Variants in SEL1L2 observed in about 807,000 individuals in gnomAD.
SEL1L2 encodes protein sel-1 homolog 2.
SEL1L2 carries 89 observed loss-of-function variants against 98.8 expected under a neutral mutation model. The observed-to-expected ratio is 0.90, with a 90% CI of 0.76 to 1.07. The LOEUF is 1.07. Ranked by LOEUF, SEL1L2 falls within the 50% of genes least tolerant of loss-of-function variation. The pLI, the probability that SEL1L2 is intolerant of heterozygous loss-of-function variation, is 0.00. For synonymous variants in SEL1L2, 262 were observed against 278.5 expected (o/e 0.94, Z 0.59); for missense variants, 788 against 812.0 (o/e 0.97, Z 0.36).
chr20:13,874,742 T>C (rs6042404), intron 12 of SEL1L2, among the ~76,000 whole-genome samples: 17,285 of 152,202 alleles, frequency 0.11, 1,062 homozygotes, highest in African/African-American at 0.16. Context: ...GCAGCAGCTC[T>C]GAGGTGGTAG....
intron 3 of SEL1L2, among the ~76,000 whole-genome samples, chr20:13,925,101 T>C (rs767349497): frequency 3.3e-5 from 5 of 152,148 alleles, no homozygotes; most frequent in Admixed American, 6.5e-5. Flanking sequence ...ATTGCACCAC[T>C]GCACTCCAGC....
At chr20:13,881,002 A>C (rs1207851246) in intron 10 of SEL1L2, among the ~76,000 whole-genome samples, 3 of 152,166 alleles carry the variant, frequency 2.0e-5, no homozygotes, top group African/African-American at 7.2e-5. Context: ...TGTTCTAAAA[A>C]CATTTATGAA....
intron 18 of SEL1L2, among the ~76,000 whole-genome samples, chr20:13,858,156 G>A (rs1010360590): frequency 2.6e-5 from 4 of 152,126 alleles, no homozygotes; most frequent in East Asian, 1.9e-4. Context: ...GATCCATACC[G>A]CTGAATAAGA....
At chr20:13,896,586 T>C (rs1319894753) in intron 5 of SEL1L2, among the ~76,000 whole-genome samples, 1 of 144,162 alleles carries the variant, frequency 6.9e-6, no homozygotes, top group African/African-American at 2.6e-5. Context: ...CAAAAATCAG[T>C]TGTGTACCTA....
At chr20:13,904,434 A>G (rs1215289467) in intron 5 of SEL1L2, among the ~76,000 whole-genome samples, 4 of 152,120 alleles carry the variant, frequency 2.6e-5, no homozygotes, top group Non-Finnish European at 5.9e-5. Flanking sequence ...AGGCTGAGGC[A>G]GGAGAATCGC....
chr20:13,954,313 G>A (rs1178642453), intron 2 of SEL1L2, among the ~76,000 whole-genome samples: 1 of 152,140 alleles, frequency 6.6e-6, no homozygotes, highest in African/African-American at 2.4e-5. Context: ...CATTGCCAAG[G>A]AGTCATGTAA....
chr20:13,889,016 T>C (rs2047090946), intron 5 of SEL1L2, among the ~76,000 whole-genome samples: 1 of 150,384 alleles, frequency 6.6e-6, no homozygotes, highest in Non-Finnish European at 1.5e-5. Flanking sequence ...TGGAGTGCAA[T>C]GGTGCAGTCT....
intron 5 of SEL1L2, among the ~76,000 whole-genome samples, chr20:13,906,632 A>G (rs2047940876): frequency 6.6e-6 from 1 of 152,186 alleles, no homozygotes; most frequent in African/African-American, 2.4e-5. Context: ...CTGTATTAGC[A>G]CAGTTCTAAT....
intron 1 of SEL1L2, among the ~76,000 whole-genome samples, chr20:13,970,025 C>CTT (rs11380130): frequency 1.2e-3 from 171 of 141,308 alleles, no homozygotes; most frequent in African/African-American, 2.9e-3. Flanking sequence ...GCTCCATCCT[C>CTT]TTTTTTTTTT....
chr20:13,859,718 G>C (rs1227392353), intron 17 of SEL1L2, among the ~76,000 whole-genome samples: 1 of 152,026 alleles, frequency 6.6e-6, no homozygotes. Context: ...TGTTTGTTTT[G>C]AGACAGAGTT....
In SEL1L2 at chr20:13,849,517, G is replaced by A; in HGVS notation, c.2035C>T (p.Leu679=). ...TGGTGATTTCTAAGCAACAAAATCA[G>A]CCCAGGAACAATGAGGCCAATCACA... ...LFVIGLIVPG[L]ILLLRNHHG The change falls in exon 20 of 20, where the codon CTG becomes TTG. Residue 679 remains leucine (L), a synonymous_variant. Coordinates refer to ENST00000284951, the MANE Select transcript of SEL1L2 (RefSeq NM_025229.2). The A allele has an allele frequency of 6.2e-7, 1 of 1,614,060 alleles. No homozygotes were observed. Among genetic ancestry groups the A allele is most frequent in the Non-Finnish European group, 8.5e-7 (1 of 1,179,958 alleles).
chr20:13,913,851 C>T lies in SEL1L2; in HGVS notation c.480G>A (p.Val160=). The change falls in exon 5 of 20, where the codon GTG becomes GTA. Residue 160 remains valine (V), a synonymous_variant. Transcript: ENST00000284951. ...ADALLFGNFG[V]QNITAAIQLY... The stretch of plus-strand genomic sequence containing the variant: ...ATTGGATAGCTGCTGTTATATTTTG[C>T]ACGCCAAAATTTCCAAATAGCAAAG... 6.4e-7 allele frequency: 1 copy of T among 1,559,158 alleles called. No homozygotes were observed. The highest frequency in any genetic ancestry group is 8.6e-7 in the Non-Finnish European group (1 of 1,161,292).
chr20:13,984,644 G>GTCTC (rs1028929040), intron 1 of SEL1L2, among the ~76,000 whole-genome samples: 1 of 151,920 alleles, frequency 6.6e-6, no homozygotes, highest in Admixed American at 6.6e-5. Flanking sequence ...TACTGCCAAA[G>GTCTC]TCTCTCTCTT....
chr20:13,904,266 C>T (rs866379637), intron 5 of SEL1L2, among the ~76,000 whole-genome samples: 3 of 152,146 alleles, frequency 2.0e-5, no homozygotes, highest in East Asian at 1.9e-4. Context: ...CACTGGCTCA[C>T]GCCTGTGATC....
chr20:13,986,535 G>T (rs2052192639), intron 1 of SEL1L2, among the ~76,000 whole-genome samples: 1 of 151,962 alleles, frequency 6.6e-6, no homozygotes, highest in Non-Finnish European at 1.5e-5. Context: ...TAGCACAATT[G>T]TTTTTGAGGT....
chr20:13,869,613 T>C, intron 13 of SEL1L2, 23 bp from the exon 14 acceptor site: 2 of 1,581,822 alleles, frequency 1.3e-6, no homozygotes, highest in Non-Finnish European at 1.7e-6. Flanking sequence ...TACACTCTAT[T>C]ACTCAAAGGC....
upstream of SEL1L2, chr20:13,990,634 G>T: frequency 1.1e-6 from 1 of 877,768 alleles, no homozygotes; most frequent in Non-Finnish European, 1.8e-6. Context: ...GCAGGAGTCA[G>T]TTGCTAAGCA....
At chr20:13,869,419 A>G (rs1416111240) in intron 14 of SEL1L2, 84 bp downstream of exon 14, 4 of 1,057,822 alleles carry the variant, frequency 3.8e-6, no homozygotes, top group Non-Finnish European at 5.9e-6. Context: ...ACTCACACCA[A>G]ACCTTTGATG....
In SEL1L2 at chr20:13,931,663, G is replaced by T; in HGVS notation, c.223C>A (p.Arg75Ser). 1 of 1,511,872 alleles carries T rather than the reference G, an allele frequency of 6.6e-7. No individual in the cohort carries two copies. Among genetic ancestry groups the T allele is most frequent in the Non-Finnish European group, 9.0e-7 (1 of 1,112,218 alleles). The allele number at this position is 1,511,872 out of a possible 1,614,324, so 93.7% of individuals were successfully genotyped here. A position where few individuals can be genotyped will look rare whatever the true frequency, so the allele number is the denominator to read the frequency against. ...TGAATTCCTTTTATTCTTATTTTAC[G>T]TTGATTCTTCTTTTTCTCCAGGAGA... ...ENLLEKKKNQRKIRIKGIQNK... is the reference protein window; with the variant it reads ...ENLLEKKKNQSKIRIKGIQNK... Residue 75 changes from arginine to serine, a missense_variant, in exon 3 of 20, where the codon CGT (arginine) becomes AGT (serine). Arg to Ser is a moderately radical substitution (Grantham distance 110). Coordinates refer to ENST00000284951, the MANE Select transcript of SEL1L2 (RefSeq NM_025229.2).
Sources: gnomAD v4.1 joint callset for allele counts (sites outside exome capture counted in the v4.1 genomes callset) on GRCh38, gnomAD v4.1.1 for gene constraint, MANE v1.5 for transcripts, NCBI Gene and HGNC (gene_info 2026-07-23, HGNC 2026-07-21) for gene names.